GALNTL6: variants seen among roughly 807,000 people sequenced by gnomAD.
The protein encoded by GALNTL6 is polypeptide N-acetylgalactosaminyltransferase like 6, also known as polypeptide N-acetylgalactosaminyltransferase-like 6.
Under a neutral mutation model 73.7 loss-of-function variants are expected in GALNTL6, and 46 were observed. The observed-to-expected ratio is 0.62, with a 90% CI of 0.49 to 0.80. The LOEUF is 0.80. Ranked by LOEUF, GALNTL6 falls within the 30% of genes least tolerant of loss-of-function variation. The pLI is 0.00. For missense variants in GALNTL6, 604 were observed against 755.0 expected, an observed-to-expected ratio of 0.80 and a Z score of 2.34; for synonymous variants, 259 against 263.7, an observed-to-expected ratio of 0.98 and a Z score of 0.17.
At chr4:171,847,013 T>G (rs1735393244) in intron 2 of GALNTL6, among the ~76,000 whole-genome samples, 1 of 150,032 alleles carries the variant, frequency 6.7e-6, no homozygotes, top group Admixed American at 6.7e-5. Context: ...TAGATATCTA[T>G]ATCTCTCTCT....
intron 3 of GALNTL6, among the ~76,000 whole-genome samples, chr4:172,244,730 G>A (rs896329884): frequency 2.0e-5 from 3 of 152,038 alleles, no homozygotes; most frequent in Admixed American, 1.3e-4. Context: ...TCTATTCAAT[G>A]GATACACAAT....
intron 5 of GALNTL6, among the ~76,000 whole-genome samples, chr4:172,451,389 A>C (rs894744759): frequency 5.3e-5 from 8 of 152,226 alleles, no homozygotes; most frequent in Non-Finnish European, 1.0e-4. Context: ...ATTATTTATA[A>C]TAGTTCTTAG....
intron 5 of GALNTL6, among the ~76,000 whole-genome samples, chr4:172,421,136 C>A: frequency 6.6e-6 from 1 of 151,956 alleles, no homozygotes; most frequent in East Asian, 1.9e-4. Flanking sequence ...GTACTTTCAG[C>A]ACATGTATCC....
intron 2 of GALNTL6, among the ~76,000 whole-genome samples, chr4:171,822,937 C>T (rs1458809533): frequency 6.6e-6 from 1 of 152,116 alleles, no homozygotes; most frequent in East Asian, 1.9e-4. Flanking sequence ...TCGTCTGTAC[C>T]TTTAGGATTT....
intron 2 of GALNTL6, among the ~76,000 whole-genome samples, chr4:172,078,903 T>C (rs776067097): frequency 4.6e-5 from 7 of 152,172 alleles, no homozygotes; most frequent in Non-Finnish European, 8.8e-5. Flanking sequence ...TAATCACACA[T>C]TTATTGAAAA....
intron 5 of GALNTL6, among the ~76,000 whole-genome samples, chr4:172,481,442 G>A (rs1037389346): frequency 2.6e-5 from 4 of 151,068 alleles, no homozygotes; most frequent in African/African-American, 9.7e-5. Flanking sequence ...TGTGGGCTTG[G>A]GCAGCCTGCT....
intron 2 of GALNTL6, among the ~76,000 whole-genome samples, chr4:172,054,380 T>G (rs1288340495): frequency 6.6e-6 from 1 of 152,174 alleles, no homozygotes; most frequent in Non-Finnish European, 1.5e-5. Flanking sequence ...CAAAGTGTCT[T>G]AGTTTATTTA....
chr4:173,023,628 C>T (rs1249976584), intron 12 of GALNTL6, among the ~76,000 whole-genome samples: 1 of 152,020 alleles, frequency 6.6e-6, no homozygotes, highest in Non-Finnish European at 1.5e-5. Flanking sequence ...TTGCACTGCA[C>T]TCCAGCCTGG....
intron 10 of GALNTL6, among the ~76,000 whole-genome samples, chr4:172,958,921 C>T (rs1749898458): frequency 6.6e-6 from 1 of 152,104 alleles, no homozygotes; most frequent in Non-Finnish European, 1.5e-5. Flanking sequence ...GGGGTTGGCA[C>T]CATGGGGTGG....
intron 2 of GALNTL6, among the ~76,000 whole-genome samples, chr4:172,087,898 C>A (rs1390001669): frequency 2.0e-5 from 3 of 151,890 alleles, no homozygotes; most frequent in Non-Finnish European, 2.9e-5. Context: ...AGTTAATTAG[C>A]CATAGTTAAA....
At chr4:172,176,264 T>C (rs1200711090) in intron 2 of GALNTL6, among the ~76,000 whole-genome samples, 2 of 133,934 alleles carry the variant, frequency 1.5e-5, no homozygotes, top group East Asian at 2.6e-4. Flanking sequence ...GGCGTGAACC[T>C]GCGAGGCGGA....
chr4:172,765,569 T>C (rs1738359187), intron 5 of GALNTL6, among the ~76,000 whole-genome samples: 2 of 152,144 alleles, frequency 1.3e-5, no homozygotes, highest in South Asian at 4.2e-4. Context: ...TCATTAATTG[T>C]CCAAAAATTA....
intron 5 of GALNTL6, among the ~76,000 whole-genome samples, chr4:172,792,687 T>TTTC (rs1740063384): frequency 3.3e-5 from 5 of 151,104 alleles, no homozygotes; most frequent in Admixed American, 3.3e-4. Context: ...TTTTTTTTTT[T>TTTC]CCTTGAAAAG....
At chr4:172,191,792 T>G (rs1450994167) in intron 2 of GALNTL6, among the ~76,000 whole-genome samples, 1 of 152,186 alleles carries the variant, frequency 6.6e-6, no homozygotes, top group Non-Finnish European at 1.5e-5. Flanking sequence ...TGCTTGAAAT[T>G]GCGATTTGCC....
At chr4:172,902,712 A>G (rs1241618267) in intron 8 of GALNTL6, among the ~76,000 whole-genome samples, 1 of 152,156 alleles carries the variant, frequency 6.6e-6, no homozygotes, top group African/African-American at 2.4e-5. Context: ...AAACCAGGTA[A>G]CCACCTTTGT....
chr4:172,641,936 G>A lies in GALNTL6; in HGVS notation c.554-167425G>A, dbSNP rs561385664. ...GGGCGGAGGACCTGAATTAACTTTT[G>A]CAAAAGAAGATATACAAAGGGCCAA... On this transcript the variant is annotated intron_variant, in intron 5 of 12. Transcript: ENST00000506823. Among the ~76,000 whole-genome samples the A allele has an allele frequency of 2.2e-4, 34 of 151,870 alleles. 1 individual carries two copies. Among genetic ancestry groups the A allele is most frequent in the Non-Finnish European group, 3.5e-4 (24 of 67,934 alleles).
chr4:172,552,096 C>G (rs1735975659), intron 5 of GALNTL6, among the ~76,000 whole-genome samples: 2 of 152,062 alleles, frequency 1.3e-5, no homozygotes, highest in Admixed American at 6.6e-5. Context: ...CTAATTTAGC[C>G]TCGCTACTTT....
intron 2 of GALNTL6, among the ~76,000 whole-genome samples, chr4:171,977,601 A>T (rs185770333): frequency 1.2e-4 from 19 of 152,188 alleles, no homozygotes; most frequent in Admixed American, 1.2e-3. Context: ...ACTCATTTTA[A>T]CTTTAAAGAG....
intron 5 of GALNTL6, among the ~76,000 whole-genome samples, chr4:172,401,243 T>G (rs1311076376): frequency 6.6e-6 from 1 of 152,084 alleles, no homozygotes; most frequent in Non-Finnish European, 1.5e-5. Flanking sequence ...TGTACAAAAA[T>G]CACAAAGAGC....
Sources: allele counts gnomAD v4.1 joint callset (sites outside exome capture counted in the v4.1 genomes callset), GRCh38; gene constraint gnomAD v4.1.1; transcripts MANE v1.5; gene names NCBI Gene and HGNC (gene_info 2026-07-23, HGNC 2026-07-21).